The following ZNF618 variants were observed in gnomAD, a reference collection of about 807,000 sequenced individuals.
ZNF618 encodes the protein zinc finger protein 618.
A neutral mutation model predicts 103.0 loss-of-function variants in ZNF618; 34 were observed. The observed-to-expected ratio is 0.33, with a 90% CI of 0.25 to 0.44. ZNF618 has a LOEUF of 0.44. Among genes scored for constraint, ZNF618 ranks in the 20% least tolerant of loss-of-function variants. The pLI is 1.00. For synonymous variants in ZNF618, 551 were observed against 542.2 expected, an observed-to-expected ratio of 1.02 and a Z score of -0.23; for missense variants, 1,059 against 1,295.4, an observed-to-expected ratio of 0.82 and a Z score of 2.80.
intron 1 of ZNF618, among the ~76,000 whole-genome samples, chr9:113,913,723 G>A (rs1430404508): frequency 1.4e-5 from 2 of 144,282 alleles, no homozygotes; most frequent in Non-Finnish European, 1.5e-5. Context: ...AGGCAGCAAT[G>A]GTCTTGAGGG....
At chr9:113,920,937 A>G (rs1334423645) in intron 1 of ZNF618, among the ~76,000 whole-genome samples, 1 of 152,182 alleles carries the variant, frequency 6.6e-6, no homozygotes, top group Non-Finnish European at 1.5e-5. Context: ...TGACAGTGCT[A>G]CCTGGGTAGC....
In ZNF618 at chr9:113,900,425, C is replaced by G. The variant is rs533513348; in HGVS notation, c.33+24012C>G. On this transcript the variant is annotated intron_variant, in intron 1 of 14. Coordinates refer to ENST00000374126, the MANE Select transcript of ZNF618 (RefSeq NM_001318042.2). Reference sequence around the variant, plus strand: ...TTTTTTGCACAGTAGTTAACCTCATCACTACTTTGGGTGGGCTGTACAGGG... The same window carrying G: ...TTTTTTGCACAGTAGTTAACCTCATGACTACTTTGGGTGGGCTGTACAGGG... 1.2e-4 allele frequency among the ~76,000 whole-genome samples: 19 copies of G among 152,292 alleles called. 1 individual carries two copies. Among genetic ancestry groups the G allele is most frequent in the African/African-American group, 4.6e-4 (19 of 41,564 alleles).
At chr9:114,028,452 A>G in intron 10 of ZNF618, 2 of 458,400 alleles carry the variant, frequency 4.4e-6, no homozygotes, top group Admixed American at 7.8e-5. Flanking sequence ...AGATGCCCTA[A>G]GAGCCAGTCA....
chr9:114,024,508 C>G (rs1273198558), intron 10 of ZNF618, among the ~76,000 whole-genome samples: 1 of 152,212 alleles, frequency 6.6e-6, no homozygotes, highest in Non-Finnish European at 1.5e-5. Context: ...ACTTCCAAAT[C>G]AACTCAATAC....
At chr9:113,925,254 C>T (rs1832985844) in intron 1 of ZNF618, among the ~76,000 whole-genome samples, 2 of 151,922 alleles carry the variant, frequency 1.3e-5, no homozygotes, top group South Asian at 4.2e-4. Context: ...ATGTAATGCC[C>T]CTCTTTATCC....
intron 1 of ZNF618, among the ~76,000 whole-genome samples, chr9:113,881,349 T>C (rs917806244): frequency 6.6e-6 from 1 of 152,190 alleles, no homozygotes; most frequent in African/African-American, 2.4e-5. Context: ...AATAGAAATA[T>C]AATTCAAGCC....
intron 1 of ZNF618, among the ~76,000 whole-genome samples, chr9:113,919,319 T>C (rs1261646127): frequency 6.6e-6 from 1 of 152,160 alleles, no homozygotes; most frequent in African/African-American, 2.4e-5. Context: ...TGTCTGTAGC[T>C]GGGGGCTGCT....
intron 9 of ZNF618, among the ~76,000 whole-genome samples, chr9:114,010,931 C>T (rs1044127200): frequency 2.0e-5 from 3 of 152,142 alleles, no homozygotes; most frequent in Non-Finnish European, 1.5e-5. Context: ...CTTACTAGCT[C>T]CCTACCCCTT....
chr9:114,016,032 TGG>T, intron 9 of ZNF618: 1 of 1,350,860 alleles, frequency 7.4e-7, no homozygotes, highest in Non-Finnish European at 1.1e-6. Context: ...GCTCTTTGTT[TGG>T]GGGTTACAGA....
chr9:113,969,188 G>A (rs764289643), intron 2 of ZNF618, 28 bp downstream of exon 2: 6 of 1,613,902 alleles, frequency 3.7e-6, no homozygotes, highest in Non-Finnish European at 4.2e-6. Flanking sequence ...CCCCCAGCTT[G>A]TCCACCCATC....
At chr9:113,925,681 G>A (rs1391065282) in intron 1 of ZNF618, among the ~76,000 whole-genome samples, 2 of 151,474 alleles carry the variant, frequency 1.3e-5, no homozygotes, top group South Asian at 2.1e-4. Flanking sequence ...TTTAAAAATA[G>A]TGATTTTCCT....
intron 1 of ZNF618, among the ~76,000 whole-genome samples, chr9:113,960,863 C>T (rs967341496): frequency 5.9e-5 from 9 of 152,176 alleles, no homozygotes; most frequent in African/African-American, 2.2e-4. Flanking sequence ...CAGAGGGAGG[C>T]GTGGGCTCTG....
At chr9:114,040,404 A>G (rs1588438195) in intron 13 of ZNF618, among the ~76,000 whole-genome samples, 1 of 151,370 alleles carries the variant, frequency 6.6e-6, no homozygotes, top group South Asian at 2.1e-4. Flanking sequence ...TTTGTTACAT[A>G]TGTATACATG....
At chr9:114,015,980 A>G in intron 9 of ZNF618, 1 of 741,368 alleles carries the variant, frequency 1.3e-6, no homozygotes, top group Non-Finnish European at 2.3e-6. Context: ...GACAGAATGA[A>G]GAGTGGGGAC....
chr9:113,993,246 A>G (rs890263038), intron 3 of ZNF618, among the ~76,000 whole-genome samples: 1 of 152,154 alleles, frequency 6.6e-6, no homozygotes, highest in African/African-American at 2.4e-5. Flanking sequence ...CCTCCTGAGG[A>G]CTTCGCTCAC....
At chr9:114,023,334 A>T (rs1843226581) in intron 10 of ZNF618, among the ~76,000 whole-genome samples, 1 of 152,052 alleles carries the variant, frequency 6.6e-6, no homozygotes, top group Non-Finnish European at 1.5e-5. Flanking sequence ...CATATGTTAC[A>T]GTCCACCACG....
chr9:113,893,026 C>T (rs77743204), intron 1 of ZNF618, among the ~76,000 whole-genome samples: 4,213 of 152,302 alleles, frequency 0.028, 89 homozygotes, highest in Middle Eastern at 0.051. Context: ...AGCAGACTTA[C>T]GAAATAGCAG....
intron 1 of ZNF618, among the ~76,000 whole-genome samples, chr9:113,890,627 T>C (rs1829533650): frequency 1.3e-5 from 2 of 152,242 alleles, no homozygotes; most frequent in African/African-American, 4.8e-5. Flanking sequence ...CATCACTGTT[T>C]GGAAAGCTGA....
At chr9:114,021,662 G>T (rs1012835657) in intron 10 of ZNF618, among the ~76,000 whole-genome samples, 5 of 151,998 alleles carry the variant, frequency 3.3e-5, no homozygotes, top group Non-Finnish European at 7.4e-5. Flanking sequence ...CCCATGAAAC[G>T]GTCACCACAA....
Sources: allele counts gnomAD v4.1 joint callset (sites outside exome capture counted in the v4.1 genomes callset), GRCh38; gene constraint gnomAD v4.1.1; transcripts MANE v1.5; gene names NCBI Gene and HGNC (gene_info 2026-07-23, HGNC 2026-07-21).